MDGA2: variants seen among roughly 807,000 people sequenced by gnomAD.
MDGA2 encodes MAM domain-containing glycosylphosphatidylinositol anchor protein 2.
Under a neutral mutation model 117.8 loss-of-function variants are expected in MDGA2, and 40 were observed. The observed-to-expected ratio is 0.34, with a 90% CI of 0.26 to 0.44. MDGA2 has a LOEUF of 0.44. Ranked by LOEUF, MDGA2 falls within the 20% of genes least tolerant of loss-of-function variation. MDGA2 has a pLI of 1.00. For missense variants in MDGA2, 1,123 were observed against 1,250.6 expected (o/e 0.90, Z 1.54); for synonymous variants, 452 against 439.0 (o/e 1.03, Z -0.37).
At chr14:47,598,803 C>T (rs1004424906) in intron 1 of MDGA2, among the ~76,000 whole-genome samples, 1 of 152,084 alleles carries the variant, frequency 6.6e-6, no homozygotes, top group Non-Finnish European at 1.5e-5. Flanking sequence ...AATCTGTATA[C>T]TGACAAAGAA....
At chr14:47,002,624 G>A (rs993235778) in intron 8 of MDGA2, among the ~76,000 whole-genome samples, 1 of 152,028 alleles carries the variant, frequency 6.6e-6, no homozygotes, top group Non-Finnish European at 1.5e-5. Context: ...AGCTACTTGG[G>A]AGGCTGAGGT....
At chr14:47,197,494 T>G (rs1321762759) in intron 3 of MDGA2, among the ~76,000 whole-genome samples, 4 of 152,128 alleles carry the variant, frequency 2.6e-5, no homozygotes, top group African/African-American at 9.7e-5. Context: ...AATAAATGTT[T>G]GATATTTACG....
intron 1 of MDGA2, among the ~76,000 whole-genome samples, chr14:47,592,291 A>C (rs1896456238): frequency 6.6e-6 from 1 of 152,194 alleles, no homozygotes; most frequent in African/African-American, 2.4e-5. Flanking sequence ...AGGAAGAATC[A>C]ATATCATGAA....
intron 1 of MDGA2, among the ~76,000 whole-genome samples, chr14:47,398,550 A>G (rs1416614107): frequency 6.6e-6 from 1 of 152,182 alleles, no homozygotes; most frequent in African/African-American, 2.4e-5. Context: ...AATGATAGTT[A>G]TTGTTAAACT....
chr14:46,994,750 C>G (rs1276063312), intron 8 of MDGA2, among the ~76,000 whole-genome samples: 1 of 151,916 alleles, frequency 6.6e-6, no homozygotes, highest in Non-Finnish European at 1.5e-5. Context: ...AGCAAAACAC[C>G]CTTAAGTATA....
At chr14:47,640,989 G>T (rs1201691034) in intron 1 of MDGA2, among the ~76,000 whole-genome samples, 1 of 151,784 alleles carries the variant, frequency 6.6e-6, no homozygotes, top group Non-Finnish European at 1.5e-5. Flanking sequence ...AGTTCGCAAT[G>T]ATTTCTTTAC....
chr14:47,181,429 T>C (rs551836352), intron 3 of MDGA2, among the ~76,000 whole-genome samples: 3 of 152,222 alleles, frequency 2.0e-5, no homozygotes, highest in Non-Finnish European at 2.9e-5. Context: ...ATATACACCA[T>C]GGAATACTAT....
At chr14:47,593,592 T>C (rs1469249618) in intron 1 of MDGA2, among the ~76,000 whole-genome samples, 1 of 151,608 alleles carries the variant, frequency 6.6e-6, no homozygotes, top group Non-Finnish European at 1.5e-5. Flanking sequence ...ATGGATGGAG[T>C]TGGAAGCCAT....
chr14:47,660,712 T>C (rs1032567557), intron 1 of MDGA2, among the ~76,000 whole-genome samples: 1 of 151,026 alleles, frequency 6.6e-6, no homozygotes, highest in Non-Finnish European at 1.5e-5. Context: ...CGATTGTTAA[T>C]CAGCCTAGGG....
At chr14:47,445,965 T>C (rs946632769) in intron 1 of MDGA2, among the ~76,000 whole-genome samples, 2 of 152,160 alleles carry the variant, frequency 1.3e-5, no homozygotes, top group African/African-American at 2.4e-5. Context: ...CCATAACTCT[T>C]GTAGGGACAC....
chr14:47,344,791 T>C (rs1218302632), intron 1 of MDGA2, among the ~76,000 whole-genome samples: 2 of 152,072 alleles, frequency 1.3e-5, no homozygotes, highest in Non-Finnish European at 2.9e-5. Flanking sequence ...GGCGAAATAG[T>C]ATAATTTAAC....
chr14:47,273,230 A>C (rs1308009588), intron 2 of MDGA2, among the ~76,000 whole-genome samples: 1 of 152,156 alleles, frequency 6.6e-6, no homozygotes, highest in Non-Finnish European at 1.5e-5. Flanking sequence ...AAATCAACTC[A>C]TAATTGTTAC....
At chr14:47,101,193 GAGAGA>G (rs1032767135) in intron 5 of MDGA2, among the ~76,000 whole-genome samples, 2 of 151,940 alleles carry the variant, frequency 1.3e-5, no homozygotes, top group African/African-American at 4.8e-5. Context: ...AATAAGAGAA[GAGAGA>G]AAGAAAAGGA....
intron 1 of MDGA2, among the ~76,000 whole-genome samples, chr14:47,307,356 A>G (rs1889486637): frequency 6.6e-6 from 1 of 152,110 alleles, no homozygotes; most frequent in Admixed American, 6.6e-5. Context: ...CTTCCTCATT[A>G]GCCTAGTTAC....
At chr14:47,236,080 CAGG>C (rs1462533267) in intron 2 of MDGA2, among the ~76,000 whole-genome samples, 1 of 151,990 alleles carries the variant, frequency 6.6e-6, no homozygotes, top group East Asian at 1.9e-4. Context: ...ATCACGAGGT[CAGG>C]AGATCGAGAC....
chr14:47,303,087 C>T (rs1305052811), intron 1 of MDGA2, among the ~76,000 whole-genome samples: 1 of 152,070 alleles, frequency 6.6e-6, no homozygotes, highest in African/African-American at 2.4e-5. Flanking sequence ...ATAAACACCC[C>T]TCAAGAACTT....
intron 2 of MDGA2, among the ~76,000 whole-genome samples, chr14:47,245,753 C>T (rs1042497826): frequency 1.3e-5 from 2 of 151,658 alleles, no homozygotes; most frequent in African/African-American, 2.4e-5. Flanking sequence ...GAAAAACATA[C>T]AAAATGTTAA....
At chr14:47,211,804 A>G (rs1197708692) in intron 3 of MDGA2, among the ~76,000 whole-genome samples, 1 of 152,198 alleles carries the variant, frequency 6.6e-6, no homozygotes, top group African/African-American at 2.4e-5. Flanking sequence ...AAGAGGCCAC[A>G]ATAAACTTTT....
intron 2 of MDGA2, among the ~76,000 whole-genome samples, chr14:47,296,988 G>T (rs939376255): frequency 6.6e-6 from 1 of 152,158 alleles, no homozygotes; most frequent in African/African-American, 2.4e-5. Flanking sequence ...GCTAAAACAT[G>T]AATTGCTGGC....
Sources: gnomAD v4.1 joint callset for allele counts (sites outside exome capture counted in the v4.1 genomes callset) on GRCh38, gnomAD v4.1.1 for gene constraint, MANE v1.5 for transcripts, NCBI Gene and HGNC (gene_info 2026-07-23, HGNC 2026-07-21) for gene names.